POSTN: variants seen among roughly 807,000 people sequenced by gnomAD.
The protein encoded by POSTN is osteoblast specific factor 2 (fasciclin I-like).
A neutral mutation model predicts 104.5 loss-of-function variants in POSTN; 71 were observed. The observed-to-expected ratio is 0.68, with a 90% confidence interval of 0.56 to 0.83. POSTN has a LOEUF of 0.83. Ranked by LOEUF, POSTN falls within the 40% of genes least tolerant of loss-of-function variation. The probability of loss-of-function intolerance (pLI) is 0.00; values close to 1 mark genes in which losing one functional copy is unlikely to be tolerated. For missense variants in POSTN, 949 were observed against 1,006.8 expected (o/e 0.94, Z 0.78); for synonymous variants, 355 against 340.7 (o/e 1.04, Z -0.46).
At chr13:37,586,069 G>T in intron 7 of POSTN, 70 bp downstream of exon 7, 1 of 1,435,558 alleles carries the variant, frequency 7.0e-7, no homozygotes, top group South Asian at 1.5e-5. Flanking sequence ...TTATTGGTAA[G>T]GACTAGCCTC....
chr13:37,584,482 A>G (rs1197630386), intron 8 of POSTN, among the ~76,000 whole-genome samples: 41 of 152,148 alleles, frequency 2.7e-4, no homozygotes, highest in Non-Finnish European at 7.3e-5. Context: ...GAAAACGGTT[A>G]TAAATATTAG....
chr13:37,569,140 T>G (rs1950191488), intron 21 of POSTN, 160 bp downstream of exon 21: 1 of 525,756 alleles, frequency 1.9e-6, no homozygotes, highest in Non-Finnish European at 3.4e-6. Context: ...TCATAACTAT[T>G]AACTACCATT....
intron 21 of POSTN, among the ~76,000 whole-genome samples, chr13:37,567,557 C>A (rs991849447): frequency 5.3e-5 from 8 of 152,034 alleles, no homozygotes; most frequent in Non-Finnish European, 1.2e-4. Context: ...TAGTGTTTTT[C>A]CTACAAAAAG....
chr13:37,564,078 A>T (rs1326790240), intron 22 of POSTN, among the ~76,000 whole-genome samples: 2 of 150,250 alleles, frequency 1.3e-5, no homozygotes, highest in East Asian at 3.9e-4. Context: ...ATTCAGGTCC[A>T]CCTGCAATCT....
In POSTN at chr13:37,586,315, A is replaced by C. The variant is rs200478649; in HGVS notation, c.754-35T>G. ...AAATGTGCTTTTCAGAGACTTTCAC[A>C]TTGTAAATCCAGAAAAAGATTGCAA... is the stretch of plus-strand genomic sequence containing the variant. On this transcript the variant is annotated intron_variant, in intron 6 of 22. Coordinates refer to ENST00000379747, the MANE Select transcript of POSTN (RefSeq NM_006475.3). 2.5e-6 allele frequency: 4 copies of C among 1,586,588 alleles called. No homozygotes were observed. The African/African-American group carries it at 5.4e-5, about 21-fold the overall frequency.
At position 37,582,550 on chromosome 13, in the gene POSTN, A is replaced by G. The variant is rs761977323; in HGVS notation, c.1244-36T>C. Reference sequence around the variant, plus strand: ...ATTCATTAAGAAAGAGCATTATTTTATTTAGAAAACATTGAAGTTTCTCCC... The same window carrying G: ...ATTCATTAAGAAAGAGCATTATTTTGTTTAGAAAACATTGAAGTTTCTCCC... On this transcript the variant is annotated intron_variant, in intron 9 of 22. Coordinates refer to ENST00000379747, the MANE Select transcript of POSTN (RefSeq NM_006475.3). 31 of 1,545,146 alleles carry G rather than the reference A, an allele frequency of 2.0e-5. No homozygotes were observed. The South Asian group carries it at 3.7e-4, about 18-fold the overall frequency.
intron 3 of POSTN, among the ~76,000 whole-genome samples, chr13:37,591,072 T>A (rs975624614): frequency 1.3e-5 from 2 of 152,194 alleles, no homozygotes; most frequent in Non-Finnish European, 2.9e-5. Context: ...TGAAAATTAG[T>A]ATAATTTGAT....
chr13:37,583,886 T>C, intron 9 of POSTN, 83 bp downstream of exon 9: 3 of 1,498,580 alleles, frequency 2.0e-6, no homozygotes, highest in Non-Finnish European at 1.8e-6. Flanking sequence ...CTAAAACATT[T>C]ATTGTTTCTT....
rs1950302706 is a variant in POSTN, at chr13:37,573,088, A to G, written c.2089+1484T>C. On this transcript the variant is annotated intron_variant, in intron 17 of 22. Transcript: ENST00000379747. ...AGAATCCTACTGACAAAGATTGAGG[A>G]GATAAATAAGTTGAATAAAGAAGCT... Among the ~76,000 whole-genome samples, 3 of 151,652 alleles carry G rather than the reference A, an allele frequency of 2.0e-5. No homozygotes were observed. The South Asian group carries it at 6.2e-4, about 31-fold the overall frequency.
rs114323293 is a variant in POSTN at position 37,566,550 on chromosome 13, G to C, written c.2432-1990C>G. The stretch of plus-strand genomic sequence containing the variant: ...CTACTATCCTCACTTTCAGATGAAG[G>C]AAACAAGCAAGAAAAGAGTCAACTA... On this transcript the variant is annotated intron_variant, in intron 21 of 22. Coordinates refer to ENST00000379747, the MANE Select transcript of POSTN (RefSeq NM_006475.3). Among the ~76,000 whole-genome samples, 977 of 152,200 alleles carry C rather than the reference G, an allele frequency of 6.4e-3. 11 individuals carry two copies. Among genetic ancestry groups the C allele is most frequent in the African/African-American group, 0.023 (934 of 41,494 alleles).
intron 22 of POSTN, among the ~76,000 whole-genome samples, chr13:37,564,207 T>TAC (rs1950018969): frequency 2.4e-5 from 3 of 126,480 alleles, no homozygotes. Context: ...TATATATATA[T>TAC]ATATATATAT....
chr13:37,591,110 A>G (rs12874036), intron 3 of POSTN, among the ~76,000 whole-genome samples: 4,762 of 152,216 alleles, frequency 0.031, 94 homozygotes, highest in Non-Finnish European at 0.049. Context: ...TGGTTATTAA[A>G]TTTGTGAATA....
chr13:37,569,669 T>C (rs2097531491), intron 20 of POSTN, 75 bp downstream of exon 20: 1 of 1,103,960 alleles, frequency 9.1e-7, no homozygotes, highest in Non-Finnish European at 1.4e-6. Flanking sequence ...GTAGAAAACA[T>C]GTAGAATGTT....
Position 37,579,061 on chromosome 13 carries a change from T to C in POSTN, c.1852A>G (p.Asn618Asp). The change falls in exon 14 of 23, where the codon AAT (asparagine) becomes GAT (aspartate). Residue 618 changes from asparagine (N) to aspartate (D), a missense_variant. Asn to Asp is a conservative substitution (Grantham distance 23). Transcript: ENST00000379747. ...KSKESDIMTT[N>D]GVIHVVDKLL... is the part of the protein sequence containing the mutation. ...TTATCTACAACATGAATTACACCATTTGTTGTCATGATGTCAGATTCTTTT... is the reference window on the plus strand; with the variant it reads ...TTATCTACAACATGAATTACACCATCTGTTGTCATGATGTCAGATTCTTTT... 1 of 1,613,500 alleles carries C rather than the reference T, an allele frequency of 6.2e-7. No homozygotes were observed. The highest frequency in any genetic ancestry group is 8.5e-7 in the Non-Finnish European group (1 of 1,179,688).
intron 2 of POSTN, among the ~76,000 whole-genome samples, chr13:37,596,848 T>C (rs1328396923): frequency 6.6e-6 from 1 of 152,158 alleles, no homozygotes; most frequent in Non-Finnish European, 1.5e-5. Context: ...TCACAGAGGT[T>C]AAGTGACTTG....
Position 37,563,458 on chromosome 13 carries a change from G to A in POSTN, c.2474-88C>T, listed in dbSNP as rs994044730. 5.6e-6 allele frequency: 4 copies of A among 713,110 alleles called. No individual in the cohort carries two copies. In the South Asian group the frequency reaches 1.7e-4, roughly 31 times the overall value. 44.2% of individuals were successfully genotyped at this position (713,110 alleles called of 1,614,324 possible). A position where few individuals can be genotyped will look rare whatever the true frequency, so the allele number is the denominator to read the frequency against. ...TATATTATTCTCTGTATATCTATCA[G>A]AGGCCATTATTTTTTGTAATAAACC... is the stretch of plus-strand genomic sequence containing the variant. On this transcript the variant is annotated intron_variant, in intron 22 of 22. Transcript: ENST00000379747.
At chr13:37,579,757 C>A in intron 12 of POSTN, 104 bp downstream of exon 12, 3 of 1,294,400 alleles carry the variant, frequency 2.3e-6, no homozygotes, top group East Asian at 2.4e-5. Flanking sequence ...CCATGAATAC[C>A]AGAGAGGGGG....
intron 17 of POSTN, 100 bp from the exon 18 acceptor site, chr13:37,571,558 A>T: frequency 6.0e-6 from 5 of 837,686 alleles, no homozygotes; most frequent in Non-Finnish European, 9.4e-6. Context: ...ACTCAACTCA[A>T]ATGTCAAAGT....
rs544481098 is a variant in POSTN, at chr13:37,573,942, A to T, written c.2089+630T>A. Reference sequence around the variant, plus strand: ...GGAGAGAATGTGTGTGTGTGTCTGTATTATATATATCTCATGTATAATATA... The same window carrying T: ...GGAGAGAATGTGTGTGTGTGTCTGTTTTATATATATCTCATGTATAATATA... On this transcript the variant is annotated intron_variant, in intron 17 of 22. Coordinates refer to ENST00000379747, the MANE Select transcript of POSTN (RefSeq NM_006475.3). Among the ~76,000 whole-genome samples, 106 of 140,918 alleles carry T rather than the reference A, an allele frequency of 7.5e-4. 1 individual carries two copies. The highest frequency in any genetic ancestry group is 2.6e-3 in the African/African-American group (98 of 37,086). 92.4% of individuals were successfully genotyped at this position (140,918 alleles called of 152,430 possible).
Sources: gnomAD v4.1 joint callset for allele counts (sites outside exome capture counted in the v4.1 genomes callset) on GRCh38, gnomAD v4.1.1 for gene constraint, MANE v1.5 for transcripts, NCBI Gene and HGNC (gene_info 2026-07-23, HGNC 2026-07-21) for gene names.